The following NCAPD2 variants were observed in gnomAD, a reference collection of about 807,000 sequenced individuals.
NCAPD2 encodes condensin complex subunit 1.
NCAPD2 carries 100 observed loss-of-function variants against 164.5 expected under a neutral mutation model. The observed-to-expected ratio is 0.61, with a 90% CI of 0.52 to 0.72. NCAPD2 has a LOEUF of 0.72. NCAPD2 is among the 30% of genes least tolerant of loss of function. The pLI is 0.00. For synonymous variants in NCAPD2, 585 were observed against 642.6 expected (o/e 0.91, Z 1.36); for missense variants, 1,560 against 1,749.2 (o/e 0.89, Z 1.93).
Position 6,516,816 on chromosome 12 carries a change from T to G in NCAPD2, c.988-12T>G, listed in dbSNP as rs2137051457. The G allele has an allele frequency of 1.2e-6, 2 of 1,613,098 alleles. No homozygotes were observed. The highest frequency in any genetic ancestry group is 1.7e-4 in the Middle Eastern group (1 of 5,964). The stretch of plus-strand genomic sequence containing the variant: ...ACTAAAGGTTTGACCCCTCTATGCT[T>G]CTCTCTCTTAGAATTACATGATGCG... On this transcript the variant is annotated splice_polypyrimidine_tract_variant and intron_variant, in intron 9 of 31. Transcript: ENST00000315579.
At chr12:6,526,003 G>C in intron 18 of NCAPD2, 65 bp from the exon 19 acceptor site, 1 of 1,580,906 alleles carries the variant, frequency 6.3e-7, no homozygotes, top group South Asian at 1.1e-5. Context: ...TACCCCTATT[G>C]GCCCTTTCTC....
At position 6,527,828 on chromosome 12, in the gene NCAPD2, A is replaced by G; in HGVS notation, c.2959A>G (p.Thr987Ala). The change falls in exon 23 of 32, where the codon ACA becomes GCA. Residue 987 changes from threonine (T) to alanine (A), a missense_variant. By Grantham distance (58) the Thr-to-Ala change is moderately conservative. Coordinates refer to ENST00000315579, the MANE Select transcript of NCAPD2 (RefSeq NM_014865.4). ...GGAGGAGCTGGGGCTGGTTGGGGCAACAGCAGATGACACAGAGGCAGAACT... is the reference window on the plus strand; with the variant it reads ...GGAGGAGCTGGGGCTGGTTGGGGCAGCAGCAGATGACACAGAGGCAGAACT... Reference protein sequence around the residue: ...MEEELGLVGATADDTEAELIR... With the variant: ...MEEELGLVGAAADDTEAELIR... The G allele has an allele frequency of 1.9e-6, 3 of 1,613,902 alleles. No homozygotes were observed. The highest frequency in any genetic ancestry group is 2.5e-6 in the Non-Finnish European group (3 of 1,179,798).
rs1946219317 is a variant in NCAPD2 at position 6,517,917 on chromosome 12, T to C, written c.1547T>C (p.Val516Ala). The C allele has an allele frequency of 6.2e-7, 1 of 1,613,950 alleles. No homozygotes were observed. The highest frequency in any genetic ancestry group is 8.5e-7 in the Non-Finnish European group (1 of 1,180,052). The stretch of plus-strand genomic sequence containing the variant: ...GCCAATACAGAGACAACTGAAGATG[T>C]GAAAGGACGCATCTATCAACTGCTT... ...QIANTETTED[V>A]KGRIYQLLAK... Residue 516 changes from valine to alanine, a missense_variant, in exon 13 of 32, where the codon GTG becomes GCG. Physicochemically the swap from Val to Ala is moderately conservative, Grantham distance 64. Coordinates refer to ENST00000315579, the MANE Select transcript of NCAPD2 (RefSeq NM_014865.4).
At chr12:6,509,297 T>C (rs1431416706) in intron 2 of NCAPD2, among the ~76,000 whole-genome samples, 1 of 152,192 alleles carries the variant, frequency 6.6e-6, no homozygotes, top group Non-Finnish European at 1.5e-5. Context: ...GTTTTGCTCT[T>C]GTTGCCCAGG....
At chr12:6,507,340 C>G (rs908608776) in intron 2 of NCAPD2, among the ~76,000 whole-genome samples, 1 of 152,200 alleles carries the variant, frequency 6.6e-6, no homozygotes, top group African/African-American at 2.4e-5. Context: ...TGCCTTTAAT[C>G]CGAGTACTTT....
chr12:6,524,054 T>A (rs1037764739), intron 17 of NCAPD2, among the ~76,000 whole-genome samples: 1 of 152,214 alleles, frequency 6.6e-6, no homozygotes, highest in Non-Finnish European at 1.5e-5. Flanking sequence ...TTACTGAACT[T>A]GGCTGGTTAC....
chr12:6,521,233 T>C, intron 14 of NCAPD2, 123 bp downstream of exon 14: 1 of 1,214,964 alleles, frequency 8.2e-7, no homozygotes, highest in African/African-American at 1.5e-5. Flanking sequence ...AGAGATGAAT[T>C]GGCATTACTT....
intron 2 of NCAPD2, among the ~76,000 whole-genome samples, chr12:6,501,114 G>A (rs1946030909): frequency 6.7e-6 from 1 of 149,090 alleles, no homozygotes; most frequent in African/African-American, 2.5e-5. Flanking sequence ...AGGTTGGCGT[G>A]CAGTGGCGTG....
intron 15 of NCAPD2, 124 bp from the exon 16 acceptor site, chr12:6,522,704 G>C: frequency 9.5e-7 from 1 of 1,050,678 alleles, no homozygotes; most frequent in Non-Finnish European, 1.4e-6. Context: ...AGGAGGAGTC[G>C]ACATTCTCAG....
At chr12:6,506,349 G>A (rs1309948137) in intron 2 of NCAPD2, among the ~76,000 whole-genome samples, 1 of 152,032 alleles carries the variant, frequency 6.6e-6, no homozygotes, top group Non-Finnish European at 1.5e-5. Context: ...AGCACTTCAG[G>A]AGGCCAAAGT....
chr12:6,506,544 C>T (rs921617610), intron 2 of NCAPD2, among the ~76,000 whole-genome samples: 8 of 150,784 alleles, frequency 5.3e-5, no homozygotes, highest in African/African-American at 1.7e-4. Flanking sequence ...GAGCCGAGAT[C>T]GCACCACTGC....
chr12:6,499,381 C>T (rs1188847134), intron 2 of NCAPD2, among the ~76,000 whole-genome samples: 4 of 151,532 alleles, frequency 2.6e-5, no homozygotes, highest in African/African-American at 9.7e-5. Flanking sequence ...CTGGCTAATT[C>T]TTGGGGGGTT....
intron 22 of NCAPD2, 102 bp from the exon 23 acceptor site, chr12:6,527,675 A>T: frequency 1.0e-6 from 1 of 974,810 alleles, no homozygotes; most frequent in South Asian, 1.6e-5. Context: ...ATGTTTTTGT[A>T]GAATTTGCCC....
In NCAPD2 at chr12:6,517,825, G is replaced by A; in HGVS notation, c.1455G>A (p.Glu485=). 1 of 1,614,194 alleles carries A rather than the reference G, an allele frequency of 6.2e-7. No individual in the cohort carries two copies. The highest frequency in any genetic ancestry group is 8.5e-7 in the Non-Finnish European group (1 of 1,180,034). ...PEEEWEAMLP[E]LKSTLQQLLQ... Reference sequence around the variant, plus strand: ...AGGAGTGGGAAGCCATGCTGCCAGAGTTGAAGTCTACCCTGCAGCAGCTTC... The same window carrying A: ...AGGAGTGGGAAGCCATGCTGCCAGAATTGAAGTCTACCCTGCAGCAGCTTC... Residue 485 remains glutamate (E), a synonymous_variant, in exon 13 of 32, where the codon GAG becomes GAA. Coordinates refer to ENST00000315579, the MANE Select transcript of NCAPD2 (RefSeq NM_014865.4).
At chr12:6,526,797 C>T (rs1385223304) in intron 21 of NCAPD2, 94 bp from the exon 22 acceptor site, 3 of 1,476,648 alleles carry the variant, frequency 2.0e-6, no homozygotes, top group Non-Finnish European at 2.8e-6. Context: ...TTGAATAGCA[C>T]GTGAGCAAGG....
intron 3 of NCAPD2, 96 bp downstream of exon 3, chr12:6,509,888 T>C (rs7298053): frequency 0.41 from 558,088 of 1,373,480 alleles, 117,422 homozygotes; most frequent in Non-Finnish European, 0.44. Flanking sequence ...ATAGGTTCAC[T>C]GATAAATGCC....
Position 6,522,839 on chromosome 12 carries a change from G to A in NCAPD2, c.1966G>A (p.Val656Met). 1 of 1,614,090 alleles carries A rather than the reference G, an allele frequency of 6.2e-7. No individual in the cohort carries two copies. The highest frequency in any genetic ancestry group is 8.5e-7 in the Non-Finnish European group (1 of 1,179,984). The change falls in exon 16 of 32, where the codon GTG becomes ATG. Residue 656 changes from valine to methionine, a missense_variant. Val to Met is a conservative substitution (Grantham distance 21, BLOSUM62 1). Coordinates refer to ENST00000315579, the MANE Select transcript of NCAPD2 (RefSeq NM_014865.4). Reference sequence around the variant, plus strand: ...ACATGTTCTCTCAGTGGTGCAGGAGGTGATTGAATTCTTTGTGATGGTCTT... The same window carrying A: ...ACATGTTCTCTCAGTGGTGCAGGAGATGATTGAATTCTTTGTGATGGTCTT... ...YENTTTVVQE[V>M]IEFFVMVFQF... is the part of the protein sequence containing the mutation.
intron 2 of NCAPD2, among the ~76,000 whole-genome samples, chr12:6,504,216 T>TATAC (rs1406807438): frequency 4.3e-5 from 1 of 23,236 alleles, no homozygotes; most frequent in Admixed American, 5.8e-4. Flanking sequence ...TATATATATA[T>TATAC]AGATATAGAT....
At chr12:6,509,538 A>G (rs937463758) in intron 2 of NCAPD2, among the ~76,000 whole-genome samples, 179 bp from the exon 3 acceptor site, 4 of 152,228 alleles carry the variant, frequency 2.6e-5, no homozygotes, top group African/African-American at 7.2e-5. Context: ...CTGGGATTAC[A>G]GGCGTGAGCC....
Sources: gnomAD v4.1 joint callset for allele counts (sites outside exome capture counted in the v4.1 genomes callset) on GRCh38, gnomAD v4.1.1 for gene constraint, MANE v1.5 for transcripts, NCBI Gene and HGNC (gene_info 2026-07-23, HGNC 2026-07-21) for gene names.